Variants in ZNF536 observed in about 807,000 individuals in gnomAD.
ZNF536 encodes the protein zinc finger protein 536.
In ZNF536, 13 loss-of-function variants were observed where a neutral mutation model predicts 84.5. The observed-to-expected ratio is 0.15, with a 90% CI of 0.10 to 0.24. ZNF536 has a LOEUF of 0.24. ZNF536 is among the 10% of genes least tolerant of loss of function. The probability of loss-of-function intolerance (pLI) is 1.00; values close to 1 mark genes in which losing one functional copy is unlikely to be tolerated. For synonymous variants in ZNF536, 811 were observed against 742.5 expected (o/e 1.09, Z -1.50); for missense variants, 1,536 against 1,747.5 (o/e 0.88, Z 2.16).
intron 2 of ZNF536, among the ~76,000 whole-genome samples, chr19:30,294,764 C>T (rs2045946913): frequency 1.3e-5 from 2 of 152,198 alleles, no homozygotes; most frequent in African/African-American, 4.8e-5. Flanking sequence ...CCAAACTCAA[C>T]TCCTGCTTCC....
chr19:30,314,110 C>T (rs796844008), intron 2 of ZNF536, among the ~76,000 whole-genome samples: 7 of 152,276 alleles, frequency 4.6e-5, no homozygotes, highest in African/African-American at 1.4e-4. Context: ...TTATTGGAGG[C>T]CCCTGCTGTC....
At position 30,678,741 on chromosome 19, in the gene ZNF536, A is replaced by AC. The variant is rs71173917; in HGVS notation, c.170-32015dup. Among the ~76,000 whole-genome samples the AC allele has an allele frequency of 8.8e-4, 122 of 139,262 alleles. 1 individual carries two copies. The highest frequency in any genetic ancestry group is 3.0e-3 in the African/African-American group (111 of 37,000). The allele number at this position is 139,262 out of a possible 152,430, so 91.4% of individuals were successfully genotyped here. A position where few individuals can be genotyped will look rare whatever the true frequency, so the allele number is the denominator to read the frequency against. On this transcript the variant is annotated intron_variant, in intron 1 of 1. Coordinates refer to the ZNF536 transcript ENST00000592773. The stretch of plus-strand genomic sequence containing the variant: ...TTGGTACCCACCCCCAAGCCCCCCC[A>AC]CACACACCTATACCCTTACTGTTTA...
intron 1 of ZNF536, among the ~76,000 whole-genome samples, chr19:30,422,755 C>T (rs932940089): frequency 4.6e-5 from 7 of 152,038 alleles, no homozygotes; most frequent in Admixed American, 1.3e-4. Context: ...TCTCTCTCTC[C>T]ACCTACCCAA....
At chr19:30,464,413 A>G (rs2053293113) in intron 2 of ZNF536, among the ~76,000 whole-genome samples, 1 of 152,182 alleles carries the variant, frequency 6.6e-6, no homozygotes, top group Admixed American at 6.5e-5. Flanking sequence ...CTGCATGCAC[A>G]TAACATAGGA....
intron 2 of ZNF536, among the ~76,000 whole-genome samples, chr19:30,471,144 C>T (rs1474015505): frequency 1.3e-5 from 2 of 152,098 alleles, no homozygotes; most frequent in Non-Finnish European, 2.9e-5. Context: ...AGATGTTCTT[C>T]TCATGGTTAG....
intron 1 of ZNF536, among the ~76,000 whole-genome samples, chr19:30,612,915 T>C (rs2048151528): frequency 6.6e-6 from 1 of 152,278 alleles, no homozygotes; most frequent in African/African-American, 2.4e-5. Context: ...TTGAATTTAA[T>C]TGTCATAGCT....
At chr19:30,436,626 AT>A in intron 1 of ZNF536, 1 of 412,858 alleles carries the variant, frequency 2.4e-6, no homozygotes, top group Non-Finnish European at 3.3e-6. Flanking sequence ...ACAGGAGTGT[AT>A]TATGCTTATA....
At chr19:30,689,666 G>A (rs1234011340) in intron 1 of ZNF536, among the ~76,000 whole-genome samples, 1 of 152,168 alleles carries the variant, frequency 6.6e-6, no homozygotes, top group African/African-American at 2.4e-5. Context: ...GGAGTGACCA[G>A]CAGGGACCAG....
chr19:30,253,775 T>A (rs1273419783), intron 1 of ZNF536, among the ~76,000 whole-genome samples: 1 of 151,984 alleles, frequency 6.6e-6, no homozygotes, highest in Non-Finnish European at 1.5e-5. Context: ...ACGGCTGCGC[T>A]TTGAGATGGG....
chr19:30,296,537 T>C (rs533539106), intron 2 of ZNF536, among the ~76,000 whole-genome samples: 4 of 152,304 alleles, frequency 2.6e-5, no homozygotes, highest in African/African-American at 9.6e-5. Context: ...TTCTGTGAAC[T>C]AGCCGGGGTG....
intron 1 of ZNF536, among the ~76,000 whole-genome samples, chr19:30,576,563 C>T (rs983061220): frequency 6.6e-5 from 10 of 152,192 alleles, no homozygotes; most frequent in East Asian, 3.9e-4. Flanking sequence ...TGCTCTTCTA[C>T]GCTAGTGGCG....
intron 2 of ZNF536, among the ~76,000 whole-genome samples, chr19:30,472,507 T>G (rs888943666): frequency 3.3e-5 from 5 of 152,192 alleles, no homozygotes; most frequent in Admixed American, 2.6e-4. Flanking sequence ...GAGTACTTGT[T>G]GCAAAAATTA....
intron 3 of ZNF536, among the ~76,000 whole-genome samples, chr19:30,545,769 A>G (rs924363305): frequency 2.0e-5 from 3 of 151,966 alleles, no homozygotes; most frequent in Non-Finnish European, 4.4e-5. Flanking sequence ...CACAGTCCCC[A>G]CCCAGAAAGG....
rs191301920 is a variant in ZNF536 at position 30,287,434 on chromosome 19, G to T, written c.-120+3293G>T. Among the ~76,000 whole-genome samples, 45 of 151,530 alleles carry T rather than the reference G, an allele frequency of 3.0e-4. No individual in the cohort carries two copies. In the Middle Eastern group the frequency reaches 0.025, roughly 83 times the overall value. ...GGATGGATAGATGAATAGACGGATG[G>T]ATGGGTGGATAAATGGGTGGATTGA... is the stretch of plus-strand genomic sequence containing the variant. On this transcript the variant is annotated intron_variant, in intron 2 of 5. Transcript: ENST00000585628.
At chr19:30,630,788 G>C (rs1347328019) in intron 1 of ZNF536, among the ~76,000 whole-genome samples, 2 of 152,204 alleles carry the variant, frequency 1.3e-5, no homozygotes, top group Non-Finnish European at 2.9e-5. Flanking sequence ...GTGAGGCCAG[G>C]CTGGTGCCAC....
intron 2 of ZNF536, among the ~76,000 whole-genome samples, chr19:30,488,581 C>A (rs972750930): frequency 6.8e-6 from 1 of 147,968 alleles, no homozygotes; most frequent in African/African-American, 2.5e-5. Flanking sequence ...AAAAAAACAA[C>A]CCTGAGAGTC....
intron 1 of ZNF536, among the ~76,000 whole-genome samples, chr19:30,249,387 G>A (rs997090751): frequency 2.0e-5 from 3 of 151,890 alleles, no homozygotes; most frequent in South Asian, 2.1e-4. Flanking sequence ...AGGGGGAGGA[G>A]GAGGAGGATA....
chr19:30,293,596 G>T (rs1295892507), intron 2 of ZNF536, among the ~76,000 whole-genome samples: 1 of 152,218 alleles, frequency 6.6e-6, no homozygotes, highest in Non-Finnish European at 1.5e-5. Context: ...CACAACAGTG[G>T]TTTTCATGAA....
At chr19:30,516,607 C>T (rs2044084119) in intron 2 of ZNF536, among the ~76,000 whole-genome samples, 1 of 152,200 alleles carries the variant, frequency 6.6e-6, no homozygotes, top group Non-Finnish European at 1.5e-5. Context: ...CATTGAGTGA[C>T]TCTGTGGGCC....
Sources: allele counts gnomAD v4.1 joint callset (sites outside exome capture counted in the v4.1 genomes callset), GRCh38; gene constraint gnomAD v4.1.1; transcripts MANE v1.5; gene names NCBI Gene and HGNC (gene_info 2026-07-23, HGNC 2026-07-21).